CHTF8: variants seen among roughly 807,000 people sequenced by gnomAD.
CHTF8 encodes the protein chromosome transmission fidelity factor 8.
In CHTF8, 6 loss-of-function variants were observed where a neutral mutation model predicts 11.0. The ratio of observed to expected loss-of-function variants is 0.55; its 90% CI spans 0.30 to 1.08. The LOEUF (loss-of-function observed/expected upper bound fraction) is 1.08. Ranked by LOEUF, CHTF8 falls within the 50% of genes least tolerant of loss-of-function variation. CHTF8 has a pLI of 0.07. For missense variants in CHTF8, 140 were observed against 153.1 expected, an observed-to-expected ratio of 0.91 and a Z score of 0.45; for synonymous variants, 53 against 60.5, an observed-to-expected ratio of 0.88 and a Z score of 0.57.
At chr16:69,131,524 T>A (rs1489181870) in intron 1 of CHTF8, 2 of 32,106 alleles carry the variant, frequency 6.2e-5, no homozygotes, top group African/African-American at 1.2e-4. Context: ...CTCGGCCCCC[T>A]CCCACCCTTT....
At chr16:69,130,075 T>C (rs528269100) in intron 1 of CHTF8, among the ~76,000 whole-genome samples, 2 of 152,364 alleles carry the variant, frequency 1.3e-5, no homozygotes, top group Admixed American at 1.3e-4. Flanking sequence ...TCTTACCCTC[T>C]GGTCTCTGAA....
At chr16:69,129,964 C>A (rs967541058) in intron 1 of CHTF8, among the ~76,000 whole-genome samples, 2 of 152,212 alleles carry the variant, frequency 1.3e-5, no homozygotes, top group Non-Finnish European at 2.9e-5. Flanking sequence ...AATGCCACCT[C>A]TAGGACGCAA....
Position 69,120,452 on chromosome 16 carries a change from A to G in CHTF8, c.339T>C (p.Ile113=). The G allele has an allele frequency of 6.2e-7, 1 of 1,614,018 alleles. No homozygotes were observed. Among genetic ancestry groups the G allele is most frequent in the South Asian group, 1.1e-5 (1 of 91,076 alleles). Residue 113 remains isoleucine (I), a synonymous_variant, in exon 4 of 4, where the codon ATT becomes ATC. Coordinates refer to ENST00000448552, the MANE Select transcript of CHTF8 (RefSeq NM_001039690.5). The surrounding 1 kb of genome is among the most constrained non-coding windows in gnomAD (Gnocchi z 4.0). ...ATACTTTCTTGGGGACGCTGGTGAT[A>G]ATGGGCTTGGGGCGGGTTTTGAAAA... ...KILFKTRPKP[I]ITSVPKKV
At chr16:69,124,913 ACT>A (rs766569022) in intron 1 of CHTF8, among the ~76,000 whole-genome samples, 69 of 150,828 alleles carry the variant, frequency 4.6e-4, no homozygotes, top group Non-Finnish European at 8.7e-4. Context: ...AACTCACTAG[ACT>A]TTTTTTGAGA....
chr16:69,119,156 T>C lies in CHTF8; in HGVS notation c.*1269A>G, dbSNP rs1380128292. ...GGGCCAGTAGACCTTGGGAAGGTAGTTGGACTTGGACCCTGCAGGCCAGTG... is the reference window on the plus strand; with the variant it reads ...GGGCCAGTAGACCTTGGGAAGGTAGCTGGACTTGGACCCTGCAGGCCAGTG... On this transcript the variant is annotated 3_prime_UTR_variant, in exon 4 of 4. Coordinates refer to ENST00000448552, the MANE Select transcript of CHTF8 (RefSeq NM_001039690.5). 2.8e-6 allele frequency: 2 copies of C among 702,858 alleles called. No individual in the cohort carries two copies. Among genetic ancestry groups the C allele is most frequent in the Non-Finnish European group, 2.6e-6 (1 of 385,004 alleles). 43.5% of individuals were successfully genotyped at this position (702,858 alleles called of 1,614,324 possible).
intron 1 of CHTF8, 147 bp from the exon 2 acceptor site, chr16:69,121,640 G>C: frequency 1.9e-6 from 1 of 514,530 alleles, no homozygotes; most frequent in East Asian, 3.4e-5. Flanking sequence ...ACTATGGCCA[G>C]CTAACTTTTT....
Position 69,120,005 on chromosome 16 carries a change from G to C in CHTF8, c.*420C>G. ...AGACCCCCTAACCTGGGGTTAGACA[G>C]AGGCCCTGGGCCTGGCAGAGCCCCT... On this transcript the variant is annotated 3_prime_UTR_variant, in exon 4 of 4. Coordinates refer to ENST00000448552, the MANE Select transcript of CHTF8 (RefSeq NM_001039690.5). This position sits in a 1 kb window ranked among gnomAD's most constrained non-coding sequence, Gnocchi z 4.0. The C allele has an allele frequency of 1.4e-6, 1 of 693,716 alleles. No homozygotes were observed. The highest frequency in any genetic ancestry group is 1.5e-5 in the South Asian group (1 of 67,204). The allele number at this position is 693,716 out of a possible 1,614,324, so 43.0% of individuals were successfully genotyped here.
At chr16:69,132,302 C>G (rs1245061067) in intron 1 of CHTF8, among the ~76,000 whole-genome samples, 182 bp downstream of exon 1, 1 of 143,934 alleles carries the variant, frequency 6.9e-6, no homozygotes, top group Non-Finnish European at 1.5e-5. Flanking sequence ...CCGCCCTCCC[C>G]CTTCCCGGCC....
chr16:69,122,300 G>A lies in CHTF8; in HGVS notation c.-35-807C>T, dbSNP rs182005641. On this transcript the variant is annotated intron_variant, in intron 1 of 3. Coordinates refer to ENST00000448552, the MANE Select transcript of CHTF8 (RefSeq NM_001039690.5). ...TACTAAGGAAAAGATGATATGAACC[G>A]AAGACATACATTGCAAAGACCATAC... 1.6e-3 allele frequency among the ~76,000 whole-genome samples: 248 copies of A among 151,898 alleles called. 3 individuals are homozygous for A. The highest frequency in any genetic ancestry group is 2.3e-3 in the East Asian group (12 of 5,172).
At position 69,119,180 on chromosome 16, in the gene CHTF8, T is replaced by C. The variant is rs770108359; in HGVS notation, c.*1245A>G. Reference sequence around the variant, plus strand: ...GTTGGACTTGGACCCTGCAGGCCAGTGGCCCTTGGGAAGTTAGCTGGGTTG... The same window carrying C: ...GTTGGACTTGGACCCTGCAGGCCAGCGGCCCTTGGGAAGTTAGCTGGGTTG... On this transcript the variant is annotated 3_prime_UTR_variant, in exon 4 of 4. Transcript: ENST00000448552. The C allele has an allele frequency of 1.7e-5, 12 of 702,920 alleles. 1 individual carries two copies. The South Asian group carries it at 1.8e-4, about 10-fold the overall frequency. 43.5% of individuals were successfully genotyped at this position (702,920 alleles called of 1,614,324 possible). A position where few individuals can be genotyped will look rare whatever the true frequency, so the allele number is the denominator to read the frequency against.
chr16:69,126,629 G>C (rs549559309), intron 1 of CHTF8, among the ~76,000 whole-genome samples: 3 of 152,190 alleles, frequency 2.0e-5, no homozygotes, highest in Non-Finnish European at 2.9e-5. Context: ...AATGAAGTTC[G>C]AGCCCAGCTT....
chr16:69,129,573 G>A (rs1215152501), intron 1 of CHTF8, among the ~76,000 whole-genome samples: 3 of 151,934 alleles, frequency 2.0e-5, no homozygotes, highest in Non-Finnish European at 2.9e-5. Flanking sequence ...TATGCTTTTA[G>A]CAAGGTCTTC....
rs531861048 is a variant in CHTF8, at chr16:69,118,629, T to C, written c.*1796A>G. On this transcript the variant is annotated 3_prime_UTR_variant, in exon 4 of 4. Coordinates refer to ENST00000448552, the MANE Select transcript of CHTF8 (RefSeq NM_001039690.5). ...AGGCTTCTGGGAGGCTGGAGATCCT[T>C]TCTCTCAAGGGCAGGATTATTCCCA... is the stretch of plus-strand genomic sequence containing the variant. 2.8e-6 allele frequency: 2 copies of C among 703,276 alleles called. No individual in the cohort carries two copies. Among genetic ancestry groups the C allele is most frequent in the South Asian group, 1.5e-5 (1 of 67,458 alleles). The allele number at this position is 703,276 out of a possible 1,614,324, so 43.6% of individuals were successfully genotyped here. A position where few individuals can be genotyped will look rare whatever the true frequency, so the allele number is the denominator to read the frequency against.
intron 1 of CHTF8, among the ~76,000 whole-genome samples, chr16:69,122,517 T>C (rs1486349891): frequency 6.6e-6 from 1 of 150,838 alleles, no homozygotes; most frequent in African/African-American, 2.4e-5. Context: ...GGATTACAGG[T>C]GCATGTCACC....
In CHTF8 at chr16:69,118,089, G is replaced by T; in HGVS notation, c.*2336C>A. 1 of 533,910 alleles carries T rather than the reference G, an allele frequency of 1.9e-6. No individual in the cohort carries two copies. Among genetic ancestry groups the T allele is most frequent in the Non-Finnish European group, 3.4e-6 (1 of 296,814 alleles). 33.1% of individuals were successfully genotyped at this position (533,910 alleles called of 1,614,324 possible). A position where few individuals can be genotyped will look rare whatever the true frequency, so the allele number is the denominator to read the frequency against. On this transcript the variant is annotated 3_prime_UTR_variant, in exon 4 of 4. Transcript: ENST00000448552. ...ACCACCAACCATCCTTGCACACCAG[G>T]CCGAACAAAGCACAGTGATTTCTTC... is the stretch of plus-strand genomic sequence containing the variant.
Position 69,121,067 on chromosome 16 carries a change from G to T in CHTF8, c.127C>A (p.His43Asn). ...GLAGNLLGDL[H>N]YTTEGIPVLI... ...AGCCCCCTCACCTCAGTGGTGTAAT[G>T]TAGGTCTCCCAGGAGGTTTCCAGCT... is the stretch of plus-strand genomic sequence containing the variant. The change falls in exon 3 of 4, where the codon CAT becomes AAT. Residue 43 changes from histidine to asparagine, a missense_variant. Transcript: ENST00000448552. The T allele has an allele frequency of 6.2e-7, 1 of 1,613,888 alleles. No homozygotes were observed. Among genetic ancestry groups the T allele is most frequent in the Non-Finnish European group, 8.5e-7 (1 of 1,179,776 alleles).
Position 69,118,528 on chromosome 16 carries a change from G to C in CHTF8, c.*1897C>G. On this transcript the variant is annotated 3_prime_UTR_variant, in exon 4 of 4. Transcript: ENST00000448552. ...GGGACCTGCAGGCCAATGTATCCCTGAGGAAAAGTCCACAAGAACAATTCA... is the reference window on the plus strand; with the variant it reads ...GGGACCTGCAGGCCAATGTATCCCTCAGGAAAAGTCCACAAGAACAATTCA... 1 of 954,288 alleles carries C rather than the reference G, an allele frequency of 1.0e-6. No homozygotes were observed. The highest frequency in any genetic ancestry group is 1.7e-6 in the Non-Finnish European group (1 of 579,932). The allele number at this position is 954,288 out of a possible 1,614,324, so 59.1% of individuals were successfully genotyped here. A position where few individuals can be genotyped will look rare whatever the true frequency, so the allele number is the denominator to read the frequency against.
chr16:69,118,806 G>C lies in CHTF8; in HGVS notation c.*1619C>G. ...TTTTACCTAAGACAGCCCCTGCCAA[G>C]AACCACAGTGCCTAGAAACCAAGGT... On this transcript the variant is annotated 3_prime_UTR_variant, in exon 4 of 4. Coordinates refer to ENST00000448552, the MANE Select transcript of CHTF8 (RefSeq NM_001039690.5). The C allele has an allele frequency of 4.5e-6, 3 of 665,702 alleles. No individual in the cohort carries two copies. The highest frequency in any genetic ancestry group is 5.4e-6 in the Non-Finnish European group (2 of 367,236). The allele number at this position is 665,702 out of a possible 1,614,324, so 41.2% of individuals were successfully genotyped here. A position where few individuals can be genotyped will look rare whatever the true frequency, so the allele number is the denominator to read the frequency against.
At chr16:69,124,859 T>C (rs978934687) in intron 1 of CHTF8, among the ~76,000 whole-genome samples, 2 of 152,138 alleles carry the variant, frequency 1.3e-5, no homozygotes, top group African/African-American at 4.8e-5. Flanking sequence ...ATAGTATGAC[T>C]CTACTCCTAG....
Sources: gnomAD v4.1 joint callset for allele counts (sites outside exome capture counted in the v4.1 genomes callset) on GRCh38, gnomAD v4.1.1 for gene constraint, Gnocchi (gnomAD v3.1) non-coding constraint, MANE v1.5 for transcripts, NCBI Gene and HGNC (gene_info 2026-07-23, HGNC 2026-07-21) for gene names.